Variants in SAMD12 observed in about 807,000 individuals in gnomAD.
SAMD12 encodes the protein sterile alpha motif domain-containing protein 12.
A neutral mutation model predicts 15.0 loss-of-function variants in SAMD12; 9 were observed. The observed-to-expected ratio is 0.60, with a 90% confidence interval of 0.36 to 1.05. SAMD12 has a LOEUF of 1.05. SAMD12 is among the 50% of genes least tolerant of loss of function. The pLI, the probability that SAMD12 is intolerant of heterozygous loss-of-function variation, is 0.01. For synonymous variants in SAMD12, 86 were observed against 90.1 expected, an observed-to-expected ratio of 0.96 and a Z score of 0.25; for missense variants, 230 against 234.2, an observed-to-expected ratio of 0.98 and a Z score of 0.12.
intron 2 of SAMD12, among the ~76,000 whole-genome samples, chr8:118,446,373 G>A (rs561548159): frequency 1.3e-5 from 2 of 152,240 alleles, no homozygotes; most frequent in South Asian, 4.1e-4. Context: ...TAAACCTAAT[G>A]CAAGAGTCCA....
intron 4 of SAMD12, among the ~76,000 whole-genome samples, chr8:118,242,744 C>T (rs539786532): frequency 6.6e-6 from 1 of 152,210 alleles, no homozygotes; most frequent in Non-Finnish European, 1.5e-5. Flanking sequence ...GCCTCCAAAT[C>T]TAAGGATTTA....
intron 3 of SAMD12, among the ~76,000 whole-genome samples, chr8:118,386,267 T>G (rs1819950520): frequency 6.6e-6 from 1 of 152,156 alleles, no homozygotes; most frequent in Non-Finnish European, 1.5e-5. Context: ...ACACGAAACA[T>G]TCTCTGATAC....
chr8:118,539,249 A>G (rs1825928649), intron 2 of SAMD12, among the ~76,000 whole-genome samples: 1 of 152,214 alleles, frequency 6.6e-6, no homozygotes, highest in Admixed American at 6.5e-5. Context: ...ATAGAATTCC[A>G]TTATTATTCA....
At chr8:118,516,613 C>T (rs1328071311) in intron 2 of SAMD12, among the ~76,000 whole-genome samples, 4 of 150,650 alleles carry the variant, frequency 2.7e-5, no homozygotes, top group Non-Finnish European at 5.9e-5. Context: ...TGACTCTTTG[C>T]TGTTGTTTAT....
At chr8:118,461,392 A>G (rs527621613) in intron 2 of SAMD12, among the ~76,000 whole-genome samples, 2 of 152,376 alleles carry the variant, frequency 1.3e-5, no homozygotes, top group East Asian at 1.9e-4. Flanking sequence ...TATTTTAAAA[A>G]TTATATATGG....
chr8:118,248,767 T>C (rs1383445335), intron 4 of SAMD12, among the ~76,000 whole-genome samples: 3 of 152,120 alleles, frequency 2.0e-5, no homozygotes, highest in African/African-American at 7.2e-5. Context: ...TCTTTCAACT[T>C]GTTAACATAC....
At chr8:118,444,418 TACAG>T (rs1054033705) in intron 2 of SAMD12, among the ~76,000 whole-genome samples, 29 of 152,200 alleles carry the variant, frequency 1.9e-4, no homozygotes, top group Admixed American at 9.2e-4. Context: ...CTGGCCTTGC[TACAG>T]ACAATCTGAA....
At chr8:118,233,374 C>T (rs893804545) in intron 4 of SAMD12, among the ~76,000 whole-genome samples, 2 of 152,098 alleles carry the variant, frequency 1.3e-5, no homozygotes, top group African/African-American at 2.4e-5. Flanking sequence ...GTGGAGAGTT[C>T]CATATATTAT....
chr8:118,167,437 A>C, the SAMD12 span, among the ~76,000 whole-genome samples: 1 of 152,178 alleles, frequency 6.6e-6, no homozygotes, highest in South Asian at 2.1e-4. Context: ...CTTCAGTGTC[A>C]GAAAAGACTG....
At chr8:118,607,566 T>A (rs1828014924) in intron 1 of SAMD12, among the ~76,000 whole-genome samples, 1 of 152,196 alleles carries the variant, frequency 6.6e-6, no homozygotes, top group Non-Finnish European at 1.5e-5. Flanking sequence ...TTAGGCATCA[T>A]CTTTATCAAA....
In SAMD12 at chr8:118,334,142, T is replaced by C. The variant is rs554367583; in HGVS notation, c.433+45418A>G. On this transcript the variant is annotated intron_variant, in intron 4 of 4. Coordinates refer to the SAMD12 transcript ENST00000409003. ...CTATGGAAGAAGCTATTAATACTTATGTCATTGTATTCTAATTTATCTGTT... is the reference window on the plus strand; with the variant it reads ...CTATGGAAGAAGCTATTAATACTTACGTCATTGTATTCTAATTTATCTGTT... 5.3e-5 allele frequency among the ~76,000 whole-genome samples: 8 copies of C among 152,318 alleles called. No homozygotes were observed. The East Asian group carries it at 5.8e-4, about 11-fold the overall frequency.
intron 1 of SAMD12, among the ~76,000 whole-genome samples, chr8:118,611,413 A>G (rs1277718264): frequency 2.0e-5 from 3 of 152,218 alleles, no homozygotes; most frequent in Non-Finnish European, 4.4e-5. Context: ...CTACTCTCAG[A>G]GATGGAAAGA....
chr8:118,225,258 C>A (rs1812163387), intron 4 of SAMD12, among the ~76,000 whole-genome samples: 1 of 152,056 alleles, frequency 6.6e-6, no homozygotes, highest in Non-Finnish European at 1.5e-5. Context: ...CATTTATTCC[C>A]CTTATGATGA....
downstream of SAMD12, among the ~76,000 whole-genome samples, chr8:118,187,597 A>G (rs1182016817): frequency 6.6e-6 from 1 of 152,212 alleles, no homozygotes; most frequent in African/African-American, 2.4e-5. Flanking sequence ...TCTCACAGAC[A>G]TCACTGTCTT....
intron 4 of SAMD12, among the ~76,000 whole-genome samples, chr8:118,280,185 A>G (rs1389869495): frequency 6.6e-6 from 1 of 152,242 alleles, no homozygotes; most frequent in Non-Finnish European, 1.5e-5. Flanking sequence ...TTAGCTGACC[A>G]AGGAATTCCA....
chr8:118,479,131 G>A (rs1175779826), intron 2 of SAMD12, among the ~76,000 whole-genome samples: 1 of 148,182 alleles, frequency 6.7e-6, no homozygotes, highest in East Asian at 1.9e-4. Flanking sequence ...CTGTGTCTCA[G>A]TTTCTGTCTC....
rs117681915 is a variant in SAMD12, at chr8:118,481,932, C to T, written c.193-41971G>A. 1.8e-3 allele frequency among the ~76,000 whole-genome samples: 269 copies of T among 152,250 alleles called. 1 individual carries two copies. The East Asian group carries it at 0.043, about 25-fold the overall frequency. ...GTCTGGCAAGGTTCCAAGACCTCTA[C>T]CTATATTAACTCGTTTAATTTCCCC... On this transcript the variant is annotated intron_variant, in intron 2 of 3. Coordinates refer to ENST00000314727, the MANE Select transcript of SAMD12 (RefSeq NM_207506.3).
At chr8:118,325,568 T>A (rs1035830781) in intron 4 of SAMD12, among the ~76,000 whole-genome samples, 1 of 152,222 alleles carries the variant, frequency 6.6e-6, no homozygotes, top group African/African-American at 2.4e-5. Flanking sequence ...CACAGTTATC[T>A]TTTTTGTGTG....
At chr8:118,410,971 G>C (rs2130813060) in intron 3 of SAMD12, among the ~76,000 whole-genome samples, 1 of 152,272 alleles carries the variant, frequency 6.6e-6, no homozygotes, top group East Asian at 1.9e-4. Context: ...AAAACTTGAG[G>C]AATCTTTCAG....
Sources: gnomAD v4.1 joint callset for allele counts (sites outside exome capture counted in the v4.1 genomes callset) on GRCh38, gnomAD v4.1.1 for gene constraint, MANE v1.5 for transcripts, NCBI Gene and HGNC (gene_info 2026-07-23, HGNC 2026-07-21) for gene names.